The following MANBAL variants were observed in gnomAD, a reference collection of about 807,000 sequenced individuals.
MANBAL encodes the protein protein MANBAL.
In MANBAL, 1 loss-of-function variant was observed where a neutral mutation model predicts 6.4. The observed-to-expected ratio is 0.16, with a 90% CI of 0.06 to 0.74. MANBAL has a LOEUF of 0.74. Ranked by LOEUF, MANBAL falls within the 30% of genes least tolerant of loss-of-function variation. The pLI is 0.78. For synonymous variants in MANBAL, 47 were observed against 45.8 expected, an observed-to-expected ratio of 1.03 and a Z score of -0.10; for missense variants, 100 against 107.8, an observed-to-expected ratio of 0.93 and a Z score of 0.32.
chr20:37,314,486 C>T (rs1011296466), intron 2 of MANBAL, among the ~76,000 whole-genome samples: 2 of 152,164 alleles, frequency 1.3e-5, no homozygotes, highest in African/African-American at 4.8e-5. Flanking sequence ...ACTGGAGGAG[C>T]CCCCAGCCTT....
At chr20:37,290,382 A>G (rs2068838904) in intron 1 of MANBAL, among the ~76,000 whole-genome samples, 1 of 151,032 alleles carries the variant, frequency 6.6e-6, no homozygotes, top group African/African-American at 2.4e-5. Flanking sequence ...AATTTGTTTT[A>G]ATGGGACGGG....
In MANBAL at chr20:37,316,407, A is replaced by G. The variant is rs2069520224; in HGVS notation, c.250A>G (p.Lys84Glu). The G allele has an allele frequency of 1.2e-6, 2 of 1,613,042 alleles. No individual in the cohort carries two copies. The highest frequency in any genetic ancestry group is 1.7e-6 in the Non-Finnish European group (2 of 1,179,442). Residue 84 changes from lysine to glutamate, a missense_variant, in exon 3 of 3, where the codon AAG becomes GAG. Coordinates refer to ENST00000373606, the MANE Select transcript of MANBAL (RefSeq NM_001003897.2). ...NKRPKKETKKKR is the reference protein window; with the variant it reads ...NKRPKKETKKER The stretch of plus-strand genomic sequence containing the variant: ...GAGGCCCAAGAAAGAGACTAAGAAG[A>G]AGCGGTAGAAGAGGAGGCCTGAGGA...
chr20:37,309,180 G>A (rs952855121), intron 2 of MANBAL, among the ~76,000 whole-genome samples: 1 of 152,192 alleles, frequency 6.6e-6, no homozygotes, highest in African/African-American at 2.4e-5. Context: ...TTTCCTGGGA[G>A]TGCTGGCTTC....
chr20:37,311,851 G>T (rs2146829656), intron 2 of MANBAL, among the ~76,000 whole-genome samples: 1 of 152,316 alleles, frequency 6.6e-6, no homozygotes, highest in Admixed American at 6.5e-5. Context: ...ACGAGCATGG[G>T]GAGGTAGAGG....
chr20:37,291,864 G>C (rs2068879026), intron 1 of MANBAL, among the ~76,000 whole-genome samples: 1 of 152,108 alleles, frequency 6.6e-6, no homozygotes, highest in Non-Finnish European at 1.5e-5. Context: ...GTGATTGTGA[G>C]GCCTACCCAC....
At position 37,306,117 on chromosome 20, in the gene MANBAL, G is replaced by GCTCTCCTCCTGCC. The variant is rs1412235559; in HGVS notation, c.150+4704_150+4705insCTCTCCTCCTGCC. On this transcript the variant is annotated intron_variant, in intron 2 of 2. Transcript: ENST00000373606. Reference sequence around the variant, plus strand: ...TGGAAGTGGAGGGTGGCAGGAGGTAGGAGAGGGGGCAGAAGTGAGGGTGGG... The same window carrying GCTCTCCTCCTGCC: ...TGGAAGTGGAGGGTGGCAGGAGGTAGCTCTCCTCCTGCCGAGAGGGGGCAGAAGTGAGGGTGGG... Among the ~76,000 whole-genome samples, 13 of 152,256 alleles carry GCTCTCCTCCTGCC rather than the reference G, an allele frequency of 8.5e-5. No individual in the cohort carries two copies. The East Asian group carries it at 2.5e-3, about 29-fold the overall frequency.
chr20:37,295,615 G>A (rs996078263), intron 1 of MANBAL, among the ~76,000 whole-genome samples: 4 of 152,208 alleles, frequency 2.6e-5, no homozygotes, highest in Non-Finnish European at 5.9e-5. Flanking sequence ...GGGGAAGCCA[G>A]CCCCTTTGAA....
At chr20:37,293,875 G>T (rs576072962) in intron 1 of MANBAL, among the ~76,000 whole-genome samples, 5 of 152,134 alleles carry the variant, frequency 3.3e-5, no homozygotes, top group Non-Finnish European at 7.4e-5. Flanking sequence ...TACCCTTTCA[G>T]TGAAGTTGTT....
At chr20:37,312,044 A>G (rs75830060) in intron 2 of MANBAL, among the ~76,000 whole-genome samples, 1,580 of 152,296 alleles carry the variant, frequency 0.01, 34 homozygotes, top group African/African-American at 0.035. Flanking sequence ...ACTTGGAGGT[A>G]TCTAGCTTGG....
intron 2 of MANBAL, among the ~76,000 whole-genome samples, chr20:37,306,160 C>G (rs1340069370): frequency 6.6e-6 from 1 of 152,180 alleles, no homozygotes; most frequent in Non-Finnish European, 1.5e-5. Flanking sequence ...AGAGAACAGT[C>G]TTGCCCTCTT....
In MANBAL at chr20:37,301,004, G is replaced by A. The variant is rs13043641; in HGVS notation, c.-56-204G>A. ...CTAAAAATACAAAAATCATCCAGGT[G>A]TGTTGGCCCACACCTGTAATCCCAG... On this transcript the variant is annotated intron_variant, in intron 1 of 2. Coordinates refer to ENST00000373606, the MANE Select transcript of MANBAL (RefSeq NM_001003897.2). 4.4e-3 allele frequency among the ~76,000 whole-genome samples: 672 copies of A among 152,162 alleles called. 3 individuals carry two copies. The highest frequency in any genetic ancestry group is 7.2e-3 in the Non-Finnish European group (487 of 68,002).
At chr20:37,304,102 A>C (rs2069203812) in intron 2 of MANBAL, among the ~76,000 whole-genome samples, 1 of 152,232 alleles carries the variant, frequency 6.6e-6, no homozygotes, top group African/African-American at 2.4e-5. Context: ...TTTACTACTA[A>C]GACTCAGAAT....
intron 2 of MANBAL, among the ~76,000 whole-genome samples, chr20:37,309,775 C>T (rs1024280746): frequency 6.6e-5 from 10 of 152,044 alleles, no homozygotes; most frequent in East Asian, 1.9e-4. Context: ...TAAACGAGGC[C>T]GCTAGTTGCC....
chr20:37,296,257 C>A (rs2068994360), intron 1 of MANBAL, among the ~76,000 whole-genome samples: 1 of 152,126 alleles, frequency 6.6e-6, no homozygotes, highest in African/African-American at 2.4e-5. Flanking sequence ...GACATTATAC[C>A]CTAACAAAAG....
intron 2 of MANBAL, among the ~76,000 whole-genome samples, chr20:37,311,955 A>G (rs2069398720): frequency 6.6e-6 from 1 of 152,070 alleles, no homozygotes; most frequent in African/African-American, 2.4e-5. Context: ...TCCAGAGGGG[A>G]CTGGCTGGGT....
intron 2 of MANBAL, among the ~76,000 whole-genome samples, chr20:37,307,031 G>A (rs948612032): frequency 1.3e-5 from 2 of 152,274 alleles, no homozygotes; most frequent in African/African-American, 2.4e-5. Flanking sequence ...TGGCACAATC[G>A]TAGCTCACTG....
intron 2 of MANBAL, among the ~76,000 whole-genome samples, chr20:37,301,951 T>G (rs2069146503): frequency 6.6e-6 from 1 of 152,188 alleles, no homozygotes; most frequent in Admixed American, 6.5e-5. Flanking sequence ...AGGAACTGAA[T>G]GAAGGTGACT....
chr20:37,313,210 C>T lies in MANBAL; in HGVS notation c.151-3098C>T, dbSNP rs182331444. On this transcript the variant is annotated intron_variant, in intron 2 of 2. Coordinates refer to ENST00000373606, the MANE Select transcript of MANBAL (RefSeq NM_001003897.2). ...TGGCTAACATGGTGAAACCCCGTCTCTACTAAAAACATAAAAATTAGCCAG... is the reference window on the plus strand; with the variant it reads ...TGGCTAACATGGTGAAACCCCGTCTTTACTAAAAACATAAAAATTAGCCAG... Among the ~76,000 whole-genome samples the T allele has an allele frequency of 3.7e-3, 565 of 151,942 alleles. 5 individuals are homozygous for T. The highest frequency in any genetic ancestry group is 0.012 in the African/African-American group (508 of 41,440).
At chr20:37,295,644 T>C (rs1299642999) in intron 1 of MANBAL, among the ~76,000 whole-genome samples, 1 of 152,236 alleles carries the variant, frequency 6.6e-6, no homozygotes, top group East Asian at 1.9e-4. Context: ...TTGCCACTTA[T>C]CAGCCAGGTT....
Sources: gnomAD v4.1 joint callset for allele counts (sites outside exome capture counted in the v4.1 genomes callset) on GRCh38, gnomAD v4.1.1 for gene constraint, MANE v1.5 for transcripts, NCBI Gene and HGNC (gene_info 2026-07-23, HGNC 2026-07-21) for gene names.